The following SHROOM1 variants were observed in gnomAD, a reference collection of about 807,000 sequenced individuals.
SHROOM1 encodes protein Shroom1.
In SHROOM1, 53 loss-of-function variants were observed where a neutral mutation model predicts 64.2. The ratio of observed to expected loss-of-function variants is 0.83; its 90% confidence interval spans 0.66 to 1.04. The LOEUF (loss-of-function observed/expected upper bound fraction) is 1.04. SHROOM1 is among the 50% of genes least tolerant of loss of function. The pLI, the probability that SHROOM1 is intolerant of heterozygous loss-of-function variation, is 0.00. For missense variants in SHROOM1, 1,179 were observed against 1,163.2 expected (o/e 1.01, Z -0.20); for synonymous variants, 490 against 518.9 (o/e 0.94, Z 0.76).
chr5:132,830,383 C>G lies in SHROOM1; in HGVS notation c.-501+211G>C, dbSNP rs1758809391. 1.0e-6 allele frequency: 1 copy of G among 984,968 alleles called. No individual in the cohort carries two copies. The highest frequency in any genetic ancestry group is 4.7e-5 in the South Asian group (1 of 21,292). 61.0% of individuals were successfully genotyped at this position (984,968 alleles called of 1,614,324 possible). A position where few individuals can be genotyped will look rare whatever the true frequency, so the allele number is the denominator to read the frequency against. ...GCCGCCTCTCCGCCCTGCAGCTCTGCAGCTGGGAGAGGCGCGCTGGGGTCC... is the reference window on the plus strand; with the variant it reads ...GCCGCCTCTCCGCCCTGCAGCTCTGGAGCTGGGAGAGGCGCGCTGGGGTCC... On this transcript the variant is annotated intron_variant, in intron 1 of 9. Coordinates refer to ENST00000378679, the MANE Select transcript of SHROOM1 (RefSeq NM_001172700.2). The surrounding 1 kb of genome is among the most constrained non-coding windows in gnomAD (Gnocchi z 5.9).
chr5:132,824,179 A>G lies in SHROOM1; in HGVS notation c.1482T>C (p.Ala494=). The change falls in exon 7 of 10, where the codon GCT becomes GCC. Residue 494 remains alanine (A), a synonymous_variant. Coordinates refer to ENST00000378679, the MANE Select transcript of SHROOM1 (RefSeq NM_001172700.2). ...PTGLTTNPPT[A]AESDLLKPVP... ...CAGGTTTGAGGAGGTCACTCTCTGC[A>G]GCTGTGGGGGGATTGGTGGTCAGTC... 1 of 1,614,226 alleles carries G rather than the reference A, an allele frequency of 6.2e-7. No homozygotes were observed. Among genetic ancestry groups the G allele is most frequent in the Non-Finnish European group, 8.5e-7 (1 of 1,180,034 alleles).
chr5:132,824,974 G>A (rs1042702698), intron 5 of SHROOM1, 44 bp downstream of exon 5: 2 of 1,609,386 alleles, frequency 1.2e-6, no homozygotes, highest in Non-Finnish European at 1.7e-6. Flanking sequence ...AGCTATGCAA[G>A]CTGCTTCCCC....
rs1758702991 is a variant in SHROOM1 at position 132,826,354 on chromosome 5, G to C, written c.-120C>G. ...GCAGAGTCACCTTGGGATCAGAGGT[G>C]GCAGAGGAAGTAGGACCAGTCCCAG... On this transcript the variant is annotated 5_prime_UTR_variant, in exon 3 of 10. Transcript: ENST00000378679. The C allele has an allele frequency of 8.8e-7, 1 of 1,132,594 alleles. No homozygotes were observed. Among genetic ancestry groups the C allele is most frequent in the African/African-American group, 1.6e-5 (1 of 62,310 alleles). The allele number at this position is 1,132,594 out of a possible 1,614,324, so 70.2% of individuals were successfully genotyped here.
In SHROOM1 at chr5:132,825,577, C is replaced by T; in HGVS notation, c.564G>A (p.Ser188=). ...CCCCCTCCCCGCCCGGGTGGCTGAG[C>T]GAGGCGGAGCGCGGGTGAGTCGCCG... is the stretch of plus-strand genomic sequence containing the variant. ...RPPATHPRSA[S]LSHPGGEGEP... Residue 188 remains serine (S), a synonymous_variant, in exon 4 of 10, where the codon TCG becomes TCA. Coordinates refer to ENST00000378679, the MANE Select transcript of SHROOM1 (RefSeq NM_001172700.2). The surrounding 1 kb of genome is among the most constrained non-coding windows in gnomAD (Gnocchi z 5.1). 7.1e-7 allele frequency: 1 copy of T among 1,400,740 alleles called. No individual in the cohort carries two copies. Among genetic ancestry groups the T allele is most frequent in the Non-Finnish European group, 9.2e-7 (1 of 1,085,814 alleles). 86.8% of individuals were successfully genotyped at this position (1,400,740 alleles called of 1,614,324 possible).
Position 132,830,302 on chromosome 5 carries a change from C to T in SHROOM1, c.-501+292G>A. Reference sequence around the variant, plus strand: ...GGAGTGAGACCGCGCTGCCCGCCGGCGCCACACGCGGCGCGCCCAGCCGCG... The same window carrying T: ...GGAGTGAGACCGCGCTGCCCGCCGGTGCCACACGCGGCGCGCCCAGCCGCG... On this transcript the variant is annotated intron_variant, in intron 1 of 9. Transcript: ENST00000378679. The surrounding 1 kb of genome is among the most constrained non-coding windows in gnomAD (Gnocchi z 5.9). The T allele has an allele frequency of 3.0e-6, 3 of 985,224 alleles. No individual in the cohort carries two copies. Among genetic ancestry groups the T allele is most frequent in the Non-Finnish European group, 3.6e-6 (3 of 829,840 alleles). The allele number at this position is 985,224 out of a possible 1,614,324, so 61.0% of individuals were successfully genotyped here. A position where few individuals can be genotyped will look rare whatever the true frequency, so the allele number is the denominator to read the frequency against.
At position 132,824,368 on chromosome 5, in the gene SHROOM1, G is replaced by A. The variant is rs143095512; in HGVS notation, c.1293C>T (p.Gly431=). The change falls in exon 7 of 10, where the codon GGC becomes GGT. Residue 431 remains glycine (G), a synonymous_variant. Transcript: ENST00000378679. The part of the protein sequence containing the change: ...PYGTGLGQRT[G]QVTVPTEYPL... ...GGTACTCTGTGGGGACTGTAACCTG[G>A]CCAGTTCTTTGGCCTAAGCCAGTTC... 1.3e-6 allele frequency: 2 copies of A among 1,590,836 alleles called. No individual in the cohort carries two copies. The highest frequency in any genetic ancestry group is 1.7e-6 in the Non-Finnish European group (2 of 1,169,086).
In SHROOM1 at chr5:132,824,285, C is replaced by G. The variant is rs1319773413; in HGVS notation, c.1376G>C (p.Gly459Ala). 1 of 1,613,710 alleles carries G rather than the reference C, an allele frequency of 6.2e-7. No homozygotes were observed. Among genetic ancestry groups the G allele is most frequent in the South Asian group, 1.1e-5 (1 of 90,998 alleles). ...TGTGGGCCTGGAAATACCTACAGAA[C>G]CATTCACCCCCTGCCAGCAGTCATC... ...GADDCWQGVN[G>A]SVGISRPTSH... is the part of the protein sequence containing the mutation. The change falls in exon 7 of 10, where the codon GGT (glycine) becomes GCT (alanine). Residue 459 changes from glycine to alanine, a missense_variant. Coordinates refer to ENST00000378679, the MANE Select transcript of SHROOM1 (RefSeq NM_001172700.2).
chr5:132,826,253 C>T (rs566280343), intron 3 of SHROOM1, 24 bp downstream of exon 3: 1 of 1,258,174 alleles, frequency 7.9e-7, no homozygotes, highest in Non-Finnish European at 1.0e-6. Context: ...CTGGCCCCGC[C>T]ACCACGGACG....
At chr5:132,824,877 G>T in intron 5 of SHROOM1, 56 bp from the exon 6 acceptor site, 1 of 1,603,830 alleles carries the variant, frequency 6.2e-7, no homozygotes, top group Non-Finnish European at 8.5e-7. Flanking sequence ...TCTTGGTGTT[G>T]CACCAGGGAG....
chr5:132,827,877 T>C (rs1758752196), intron 1 of SHROOM1, among the ~76,000 whole-genome samples: 1 of 152,056 alleles, frequency 6.6e-6, no homozygotes, highest in South Asian at 2.1e-4. Flanking sequence ...CAAGCACAGC[T>C]TGGGGCAGGA....
rs775192463 is a variant in SHROOM1, at chr5:132,824,599, A to C, written c.1241+16T>G. 7 of 1,598,376 alleles carry C rather than the reference A, an allele frequency of 4.4e-6. No individual in the cohort carries two copies. In the East Asian group the frequency reaches 1.6e-4, roughly 36 times the overall value. On this transcript the variant is annotated intron_variant, in intron 6 of 9. Coordinates refer to ENST00000378679, the MANE Select transcript of SHROOM1 (RefSeq NM_001172700.2). Reference sequence around the variant, plus strand: ...CAGGGGGTGCCTCACGATGCTTGGAAGCAAGAGGGAATTACCTGGCTGGGG... The same window carrying C: ...CAGGGGGTGCCTCACGATGCTTGGACGCAAGAGGGAATTACCTGGCTGGGG...
rs755663273 is a variant in SHROOM1 at position 132,824,248 on chromosome 5, G to A, written c.1413C>T (p.Pro471=). ...VGISRPTSHT[P]TGTANDNIPT... is the part of the protein sequence containing the mutation. ...GGATGTTATCATTTGCAGTCCCAGT[G>A]GGGGTGTGGCTTGTGGGCCTGGAAA... Residue 471 remains proline (P), a synonymous_variant, in exon 7 of 10, where the codon CCC becomes CCT. Coordinates refer to ENST00000378679, the MANE Select transcript of SHROOM1 (RefSeq NM_001172700.2). The A allele has an allele frequency of 6.2e-7, 1 of 1,613,954 alleles. No individual in the cohort carries two copies. The highest frequency in any genetic ancestry group is 1.3e-5 in the African/African-American group (1 of 74,930).
chr5:132,824,375 C>A lies in SHROOM1; in HGVS notation c.1286G>T (p.Arg429Ile). The change falls in exon 7 of 10, where the codon AGA (arginine) becomes ATA (isoleucine). Residue 429 changes from arginine (R) to isoleucine (I), a missense_variant. Arg to Ile is a moderately conservative substitution (Grantham distance 97). Transcript: ENST00000378679. ...TGTGGGGACTGTAACCTGGCCAGTT[C>A]TTTGGCCTAAGCCAGTTCCATACGG... ...DQPYGTGLGQ[R>I]TGQVTVPTEY... is the part of the protein sequence containing the mutation. 1.3e-6 allele frequency: 2 copies of A among 1,586,332 alleles called. No homozygotes were observed. Among genetic ancestry groups the A allele is most frequent in the Non-Finnish European group, 1.7e-6 (2 of 1,166,982 alleles).
In SHROOM1 at chr5:132,825,089, G is replaced by A; in HGVS notation, c.979-16C>T. 1 of 1,614,150 alleles carries A rather than the reference G, an allele frequency of 6.2e-7. No homozygotes were observed. The highest frequency in any genetic ancestry group is 1.7e-5 in the Admixed American group (1 of 60,034). ...GGGGAACAGCCTGGAAGGGTGAACAGTCGACTGAAATGTGGCTCAAGTTTT... is the reference window on the plus strand; with the variant it reads ...GGGGAACAGCCTGGAAGGGTGAACAATCGACTGAAATGTGGCTCAAGTTTT... On this transcript the variant is annotated splice_polypyrimidine_tract_variant and intron_variant, in intron 4 of 9. Transcript: ENST00000378679. The surrounding 1 kb of genome is among the most constrained non-coding windows in gnomAD (Gnocchi z 5.1).
In SHROOM1 at chr5:132,825,477, A is replaced by G; in HGVS notation, c.664T>C (p.Cys222Arg). Reference protein sequence around the residue: ...GPLANQQRKWCFSEPGKLDRV... With the variant: ...GPLANQQRKWRFSEPGKLDRV... ...TCCAGCTTTCCTGGCTCTGAGAAGCACCACTTCCGCTGCTGGTTGGCGAGG... is the reference window on the plus strand; with the variant it reads ...TCCAGCTTTCCTGGCTCTGAGAAGCGCCACTTCCGCTGCTGGTTGGCGAGG... Residue 222 changes from cysteine to arginine, a missense_variant, in exon 4 of 10, where the codon TGC (cysteine) becomes CGC (arginine). Transcript: ENST00000378679. The surrounding 1 kb of genome is among the most constrained non-coding windows in gnomAD (Gnocchi z 5.1). The G allele has an allele frequency of 6.5e-7, 1 of 1,541,054 alleles. No individual in the cohort carries two copies. Among genetic ancestry groups the G allele is most frequent in the Non-Finnish European group, 8.7e-7 (1 of 1,148,022 alleles).
chr5:132,823,171 C>T lies in SHROOM1; in HGVS notation c.2227-43G>A. ...GGCGCCGTGAGCCGGGTGAGGGCGCCGCCGCTCCCGGAATGGTTCCAGCCG... is the reference window on the plus strand; with the variant it reads ...GGCGCCGTGAGCCGGGTGAGGGCGCTGCCGCTCCCGGAATGGTTCCAGCCG... On this transcript the variant is annotated intron_variant, in intron 9 of 9. Transcript: ENST00000378679. This position sits in a 1 kb window ranked among gnomAD's most constrained non-coding sequence, Gnocchi z 4.6. 6.5e-7 allele frequency: 1 copy of T among 1,543,664 alleles called. No homozygotes were observed. The highest frequency in any genetic ancestry group is 8.7e-7 in the Non-Finnish European group (1 of 1,154,198).
Position 132,824,403 on chromosome 5 carries a change from G to C in SHROOM1, c.1258C>G (p.Gln420Glu). Residue 420 changes from glutamine (Q) to glutamate (E), a missense_variant, in exon 7 of 10, where the codon CAG (glutamine) becomes GAG (glutamate). By Grantham distance (29) the Gln-to-Glu change is conservative. Transcript: ENST00000378679. ...GPPASVHASD[Q>E]PYGTGLGQRT... ...TGGCCTAAGCCAGTTCCATACGGCT[G>C]GTCAGAGGCATGGACACTGGAAGCA... 1 of 1,545,068 alleles carries C rather than the reference G, an allele frequency of 6.5e-7. No individual in the cohort carries two copies. The highest frequency in any genetic ancestry group is 8.7e-7 in the Non-Finnish European group (1 of 1,148,274).
In SHROOM1 at chr5:132,826,159, T is replaced by C. The variant is rs1455610066; in HGVS notation, c.-19A>G. The C allele has an allele frequency of 6.0e-6, 8 of 1,328,320 alleles. No individual in the cohort carries two copies. Among genetic ancestry groups the C allele is most frequent in the Non-Finnish European group, 7.7e-6 (8 of 1,040,760 alleles). The allele number at this position is 1,328,320 out of a possible 1,614,324, so 82.3% of individuals were successfully genotyped here. On this transcript the variant is annotated 5_prime_UTR_variant, in exon 4 of 10. Coordinates refer to ENST00000378679, the MANE Select transcript of SHROOM1 (RefSeq NM_001172700.2). ...CCTCCATGGCTGCGCAGATGAGTGC[T>C]GAGGCTGGGTGGCTGCGTGGGTCCT...
In SHROOM1 at chr5:132,822,945, G is replaced by A. The variant is rs770353850; in HGVS notation, c.2410C>T (p.Arg804Cys). ...AGGCGGATGCGCTCGTCCAGGTTGC[G>A]CTGCTGGGCCAGGACGGCGGCCTTG... ...AGKAAVLAQQ[R>C]NLDERIRLLQ... The change falls in exon 10 of 10, where the codon CGC becomes TGC. Residue 804 changes from arginine to cysteine, a missense_variant. Physicochemically the swap from Arg to Cys is radical, Grantham distance 180 (BLOSUM62 -3). Transcript: ENST00000378679. 6.2e-7 allele frequency: 1 copy of A among 1,612,258 alleles called. No homozygotes were observed. Among genetic ancestry groups the A allele is most frequent in the Non-Finnish European group, 8.5e-7 (1 of 1,179,884 alleles).
Sources: gnomAD v4.1 joint callset for allele counts (sites outside exome capture counted in the v4.1 genomes callset) on GRCh38, gnomAD v4.1.1 for gene constraint, Gnocchi (gnomAD v3.1) non-coding constraint, MANE v1.5 for transcripts, NCBI Gene and HGNC (gene_info 2026-07-23, HGNC 2026-07-21) for gene names.